Variants in EPHB1 observed in about 807,000 individuals in gnomAD.
EPHB1 encodes ephrin type-B receptor 1.
Under a neutral mutation model 94.4 loss-of-function variants are expected in EPHB1, and 30 were observed. The observed-to-expected ratio is 0.32, with a 90% confidence interval of 0.24 to 0.43. The LOEUF is 0.43. EPHB1 is among the 20% of genes least tolerant of loss of function. The probability of loss-of-function intolerance (pLI) is 1.00; values close to 1 mark genes in which losing one functional copy is unlikely to be tolerated. For missense variants in EPHB1, 1,055 were observed against 1,308.3 expected, an observed-to-expected ratio of 0.81 and a Z score of 2.99; for synonymous variants, 522 against 489.1, an observed-to-expected ratio of 1.07 and a Z score of -0.89.
chr3:135,247,449 CAT>C (rs1222405285), intron 13 of EPHB1, among the ~76,000 whole-genome samples: 2 of 152,074 alleles, frequency 1.3e-5, no homozygotes, highest in African/African-American at 2.4e-5. Flanking sequence ...ATAATAAATT[CAT>C]ATGTTTAGCA....
At chr3:134,956,784 C>T (rs1420915683) in intron 3 of EPHB1, among the ~76,000 whole-genome samples, 1 of 152,080 alleles carries the variant, frequency 6.6e-6, no homozygotes, top group South Asian at 2.1e-4. Context: ...GTGTCATTGT[C>T]CTTAAGCTCT....
At chr3:135,104,070 G>A (rs1349797843) in intron 3 of EPHB1, among the ~76,000 whole-genome samples, 1 of 152,190 alleles carries the variant, frequency 6.6e-6, no homozygotes, top group African/African-American at 2.4e-5. Context: ...CAGCATGGCA[G>A]GGGCCAAATA....
At chr3:135,025,104 T>TCCCCC (rs1936106914) in intron 3 of EPHB1, among the ~76,000 whole-genome samples, 1 of 91,318 alleles carries the variant, frequency 1.1e-5, no homozygotes, top group Non-Finnish European at 2.4e-5. Context: ...CTTCCTTCCC[T>TCCCCC]CCCTCCCTCC....
At chr3:135,235,318 G>A (rs1364883367) in intron 12 of EPHB1, among the ~76,000 whole-genome samples, 1 of 152,120 alleles carries the variant, frequency 6.6e-6, no homozygotes, top group Non-Finnish European at 1.5e-5. Context: ...ATTGATCTAT[G>A]CCAGCAGTTC....
intron 2 of EPHB1, among the ~76,000 whole-genome samples, chr3:134,948,368 G>T (rs2039255110): frequency 6.6e-6 from 1 of 151,848 alleles, no homozygotes; most frequent in African/African-American, 2.4e-5. Flanking sequence ...AGTCATGTAG[G>T]GTCAACTGAG....
intron 3 of EPHB1, among the ~76,000 whole-genome samples, chr3:135,007,113 C>T (rs1234456361): frequency 6.6e-6 from 1 of 152,170 alleles, no homozygotes; most frequent in Non-Finnish European, 1.5e-5. Context: ...ATTTAGTCTA[C>T]CTCCTTTTCA....
chr3:134,850,775 C>G (rs548195903), intron 1 of EPHB1, among the ~76,000 whole-genome samples: 4 of 152,238 alleles, frequency 2.6e-5, no homozygotes. Context: ...TGTCATTACC[C>G]GCTTCACTCT....
chr3:135,129,711 A>G (rs1293439936), intron 4 of EPHB1, among the ~76,000 whole-genome samples: 3 of 152,226 alleles, frequency 2.0e-5, no homozygotes, highest in African/African-American at 2.4e-5. Flanking sequence ...GAAATGAGCT[A>G]TGGAAGCCCA....
chr3:134,815,247 A>G (rs1407686417), intron 1 of EPHB1, among the ~76,000 whole-genome samples: 4 of 152,178 alleles, frequency 2.6e-5, no homozygotes, highest in South Asian at 2.1e-4. Context: ...TTGTAACTGC[A>G]TTGTGGTCAA....
intron 4 of EPHB1, among the ~76,000 whole-genome samples, chr3:135,118,878 T>C (rs1446355162): frequency 6.6e-6 from 1 of 152,166 alleles, no homozygotes; most frequent in Admixed American, 6.5e-5. Flanking sequence ...CAAAAATGCA[T>C]ATCCCTATAT....
chr3:135,180,533 C>T (rs1387640345), intron 10 of EPHB1, among the ~76,000 whole-genome samples: 1 of 152,066 alleles, frequency 6.6e-6, no homozygotes, highest in Non-Finnish European at 1.5e-5. Context: ...ATCTATGGTA[C>T]AGCTGGTAAC....
chr3:135,039,013 T>G (rs1249117549), intron 3 of EPHB1, among the ~76,000 whole-genome samples: 5 of 151,926 alleles, frequency 3.3e-5, no homozygotes, highest in African/African-American at 4.8e-5. Context: ...CCCCATCAGA[T>G]TAGTTAGATA....
chr3:134,886,893 T>TA (rs1456965293), intron 1 of EPHB1, among the ~76,000 whole-genome samples: 3 of 152,134 alleles, frequency 2.0e-5, no homozygotes, highest in African/African-American at 7.2e-5. Flanking sequence ...CAGAGACTGT[T>TA]ACAAATTGAT....
At chr3:135,195,802 C>T (rs1222512306) in intron 11 of EPHB1, among the ~76,000 whole-genome samples, 11 of 122,624 alleles carry the variant, frequency 9.0e-5, no homozygotes, top group Admixed American at 3.2e-4. Flanking sequence ...CATACGTGTG[C>T]GTGTGTCTTT....
At chr3:134,903,410 T>A (rs1021255876) in intron 1 of EPHB1, among the ~76,000 whole-genome samples, 20 of 152,362 alleles carry the variant, frequency 1.3e-4, no homozygotes, top group African/African-American at 4.6e-4. Flanking sequence ...TCTGGCCTCT[T>A]CAGCAGTGTG....
intron 3 of EPHB1, among the ~76,000 whole-genome samples, chr3:135,101,754 T>G (rs1218175765): frequency 1.3e-5 from 2 of 152,190 alleles, no homozygotes; most frequent in Admixed American, 1.3e-4. Flanking sequence ...TGGTTACAAA[T>G]TACAAGCTAA....
chr3:134,849,297 T>C (rs1466965033), intron 1 of EPHB1, among the ~76,000 whole-genome samples: 1 of 152,294 alleles, frequency 6.6e-6, no homozygotes, highest in South Asian at 2.1e-4. Flanking sequence ...CCAGGTGATG[T>C]TGATGATGCT....
intron 3 of EPHB1, among the ~76,000 whole-genome samples, chr3:135,005,567 C>T (rs1935368803): frequency 1.3e-5 from 2 of 152,214 alleles, no homozygotes; most frequent in Non-Finnish European, 2.9e-5. Flanking sequence ...CTCGCTGCTG[C>T]CTTGCAGTTT....
rs73864225 is a variant in EPHB1, at chr3:135,009,305, G to A, written c.805+57253G>A. Among the ~76,000 whole-genome samples the A allele has an allele frequency of 5.4e-3, 824 of 152,226 alleles. 4 individuals carry two copies. The highest frequency in any genetic ancestry group is 0.018 in the African/African-American group (758 of 41,526). On this transcript the variant is annotated intron_variant, in intron 3 of 15. Coordinates refer to ENST00000398015, the MANE Select transcript of EPHB1 (RefSeq NM_004441.5). Reference sequence around the variant, plus strand: ...CCTGGGCTTTAATATTTTTACTAACGTTCCCTGGGTGATTCTGATAACCAC... The same window carrying A: ...CCTGGGCTTTAATATTTTTACTAACATTCCCTGGGTGATTCTGATAACCAC...
Sources: allele counts gnomAD v4.1 joint callset (sites outside exome capture counted in the v4.1 genomes callset), GRCh38; gene constraint gnomAD v4.1.1; transcripts MANE v1.5; gene names NCBI Gene and HGNC (gene_info 2026-07-23, HGNC 2026-07-21).